UTRN: variants seen among roughly 807,000 people sequenced by gnomAD.
UTRN encodes utrophin.
UTRN carries 283 observed loss-of-function variants against 463.9 expected under a neutral mutation model. The ratio of observed to expected loss-of-function variants is 0.61; its 90% CI spans 0.55 to 0.67. UTRN has a LOEUF of 0.67. Ranked by LOEUF, UTRN falls within the 30% of genes least tolerant of loss-of-function variation. UTRN has a pLI of 0.00. For missense variants in UTRN, 3,922 were observed against 4,084.3 expected (o/e 0.96, Z 1.08); for synonymous variants, 1,442 against 1,431.5 (o/e 1.01, Z -0.17).
chr6:144,673,079 G>C (rs879113245), intron 51 of UTRN, among the ~76,000 whole-genome samples: 1 of 152,066 alleles, frequency 6.6e-6, no homozygotes, highest in Admixed American at 6.6e-5. Flanking sequence ...ATTGAGGATT[G>C]TTTTATGGCC....
intron 51 of UTRN, among the ~76,000 whole-genome samples, chr6:144,622,184 G>GTTTTTTTTTTTTTTTTTTTTTTTTT (rs1199579909): frequency 3.4e-5 from 3 of 88,202 alleles, no homozygotes; most frequent in Non-Finnish European, 6.3e-5. Context: ...TTTTTTTGTT[G>GTTTTTTTTTTTTTTTTTTTTTTTTT]TTTTTTTTTT....
chr6:144,808,890 T>A (rs2128749269), intron 65 of UTRN, among the ~76,000 whole-genome samples: 1 of 152,278 alleles, frequency 6.6e-6, no homozygotes, highest in East Asian at 1.9e-4. Context: ...CACTGTGTTT[T>A]CTTTATCCAT....
At chr6:144,424,155 A>C in intron 6 of UTRN, 77 bp downstream of exon 6, 1 of 1,462,558 alleles carries the variant, frequency 6.8e-7, no homozygotes, top group Non-Finnish European at 9.5e-7. Context: ...AGGCTGCCGT[A>C]ACCAAGTACC....
chr6:144,549,248 C>G (rs1045292092), intron 47 of UTRN, among the ~76,000 whole-genome samples: 1 of 152,196 alleles, frequency 6.6e-6, no homozygotes, highest in Non-Finnish European at 1.5e-5. Flanking sequence ...TGAATATCTC[C>G]TATAACTTTA....
chr6:144,779,719 T>C (rs1417657588), intron 60 of UTRN, among the ~76,000 whole-genome samples: 2 of 152,188 alleles, frequency 1.3e-5, no homozygotes, highest in Admixed American at 6.5e-5. Flanking sequence ...CCCTCACAGT[T>C]CAAACTGGCG....
intron 65 of UTRN, among the ~76,000 whole-genome samples, chr6:144,819,361 T>C (rs1169894546): frequency 6.6e-6 from 1 of 152,198 alleles, no homozygotes; most frequent in Non-Finnish European, 1.5e-5. Flanking sequence ...AACTCAGAAC[T>C]TAGTTGTTTT....
intron 2 of UTRN, among the ~76,000 whole-genome samples, chr6:144,350,293 A>G (rs1383792341): frequency 1.3e-5 from 2 of 151,954 alleles, no homozygotes; most frequent in African/African-American, 2.4e-5. Flanking sequence ...TGAAAATTCT[A>G]CAAAGTAGAA....
intron 3 of UTRN, among the ~76,000 whole-genome samples, chr6:144,407,689 A>T (rs563962511): frequency 1.3e-5 from 2 of 152,358 alleles, no homozygotes; most frequent in African/African-American, 2.4e-5. Flanking sequence ...CTTGAGAATA[A>T]TATCAGTCTA....
intron 51 of UTRN, among the ~76,000 whole-genome samples, chr6:144,613,869 T>C (rs1805785394): frequency 6.6e-6 from 1 of 152,120 alleles, no homozygotes; most frequent in Non-Finnish European, 1.5e-5. Flanking sequence ...TAAATATATA[T>C]ACACGCATTA....
At chr6:144,726,032 CTTT>C in intron 53 of UTRN, among the ~76,000 whole-genome samples, 1 of 148,860 alleles carries the variant, frequency 6.7e-6, no homozygotes, top group East Asian at 2.0e-4. Flanking sequence ...ATTTCTTTTT[CTTT>C]TTTTTTTGTT....
intron 48 of UTRN, 95 bp downstream of exon 48, chr6:144,551,177 T>C (rs1585231147): frequency 1.5e-6 from 1 of 688,744 alleles, no homozygotes; most frequent in East Asian, 3.2e-5. Flanking sequence ...ACAAACACAT[T>C]TTCAAAGATT....
intron 46 of UTRN, 121 bp from the exon 47 acceptor site, chr6:144,548,519 T>C (rs955928203): frequency 8.9e-6 from 8 of 895,812 alleles, no homozygotes; most frequent in African/African-American, 1.7e-5. Flanking sequence ...AAATAACCTC[T>C]TAGAATTTTT....
At chr6:144,339,450 G>GGTTT (rs1286813191) in intron 2 of UTRN, among the ~76,000 whole-genome samples, 6 of 152,098 alleles carry the variant, frequency 3.9e-5, no homozygotes, top group African/African-American at 1.4e-4. Flanking sequence ...TCATAGATTT[G>GGTTT]CATCTATGTG....
chr6:144,555,843 A>G (rs1311509858), intron 49 of UTRN, among the ~76,000 whole-genome samples: 2 of 152,180 alleles, frequency 1.3e-5, no homozygotes, highest in South Asian at 2.1e-4. Flanking sequence ...AATCCAAACC[A>G]TATTACTTAC....
Position 144,444,392 on chromosome 6 carries a change from T to C in UTRN, c.1614+10T>C. On this transcript the variant is annotated intron_variant, in intron 14 of 74. Coordinates refer to ENST00000367545, the MANE Select transcript of UTRN (RefSeq NM_007124.3). ...ATTATTGGAAGAACAGGTATGAAAC[T>C]GTTTTCCATAAGGGGCAAAATAAAT... The C allele has an allele frequency of 1.3e-6, 2 of 1,594,546 alleles. No homozygotes were observed. The highest frequency in any genetic ancestry group is 1.7e-6 in the Non-Finnish European group (2 of 1,169,034).
At chr6:144,534,472 A>G (rs2128603452) in intron 43 of UTRN, among the ~76,000 whole-genome samples, 1 of 152,360 alleles carries the variant, frequency 6.6e-6, no homozygotes, top group South Asian at 2.1e-4. Flanking sequence ...TCCTCTGGAA[A>G]TGAGAACTAT....
At chr6:144,593,908 A>AAAAAGGAATTC (rs1243739716) in intron 51 of UTRN, among the ~76,000 whole-genome samples, 1 of 152,204 alleles carries the variant, frequency 6.6e-6, no homozygotes, top group East Asian at 1.9e-4. Flanking sequence ...CAGCATTTCC[A>AAAAAGGAATTC]AAAAGGAATT....
intron 39 of UTRN, among the ~76,000 whole-genome samples, chr6:144,517,309 A>G (rs1585091302): frequency 6.6e-6 from 1 of 152,156 alleles, no homozygotes; most frequent in East Asian, 1.9e-4. Context: ...GTGATGTAAT[A>G]TGATTTATAT....
At chr6:144,397,546 C>T (rs1349772618) in intron 2 of UTRN, among the ~76,000 whole-genome samples, 1 of 152,064 alleles carries the variant, frequency 6.6e-6, no homozygotes, top group Admixed American at 6.6e-5. Flanking sequence ...TTTGGATTGT[C>T]TTAGCCTTAT....
Sources: gnomAD v4.1 joint callset for allele counts (sites outside exome capture counted in the v4.1 genomes callset) on GRCh38, gnomAD v4.1.1 for gene constraint, MANE v1.5 for transcripts, NCBI Gene and HGNC (gene_info 2026-07-23, HGNC 2026-07-21) for gene names.